DPH6: variants seen among roughly 807,000 people sequenced by gnomAD.
DPH6 encodes the protein diphthamine biosynthesis 6, also known as diphthine--ammonia ligase.
A neutral mutation model predicts 38.2 loss-of-function variants in DPH6; 33 were observed. That is an observed-to-expected ratio of 0.86 (90% CI 0.65 to 1.15). DPH6 has a LOEUF of 1.15. Ranked by LOEUF, DPH6 falls within the 50% of genes most tolerant of loss-of-function variation. The pLI is 0.00. For synonymous variants in DPH6, 108 were observed against 103.0 expected, an observed-to-expected ratio of 1.05 and a Z score of -0.30; for missense variants, 325 against 320.0, an observed-to-expected ratio of 1.02 and a Z score of -0.12.
intron 3 of DPH6, among the ~76,000 whole-genome samples, chr15:35,464,908 T>C (rs2054109876): frequency 6.6e-6 from 1 of 152,190 alleles, no homozygotes; most frequent in African/African-American, 2.4e-5. Context: ...CTATATTACA[T>C]GCAGCTAAAA....
intron 3 of DPH6, among the ~76,000 whole-genome samples, chr15:35,337,625 C>T (rs1297641786): frequency 6.6e-6 from 1 of 152,104 alleles, no homozygotes; most frequent in Non-Finnish European, 1.5e-5. Flanking sequence ...TTTATAGATT[C>T]AATGCCATCC....
chr15:35,250,912 C>G (rs2051669462), intron 3 of DPH6, among the ~76,000 whole-genome samples: 1 of 152,046 alleles, frequency 6.6e-6, no homozygotes, highest in East Asian at 1.9e-4. Context: ...CCATATACTT[C>G]CAATAAGTTA....
At chr15:35,237,544 T>TA (rs1566846571) in intron 3 of DPH6, 1 of 1,551,314 alleles carries the variant, frequency 6.4e-7, no homozygotes, top group Non-Finnish European at 8.9e-7. Flanking sequence ...AACTAAGCGA[T>TA]AACAGAGTCT....
At chr15:35,368,104 T>C (rs977951206), downstream of DPH6, among the ~76,000 whole-genome samples, 1 of 151,788 alleles carries the variant, frequency 6.6e-6, no homozygotes, top group Non-Finnish European at 1.5e-5. Context: ...GCAGAATAAA[T>C]AAGGTTATTT....
rs141672597 is a variant in DPH6, at chr15:35,469,140, T to C, written c.313-14320A>G. Among the ~76,000 whole-genome samples the C allele has an allele frequency of 2.1e-3, 327 of 152,186 alleles. 5 individuals are homozygous for C. The highest frequency in any genetic ancestry group is 7.5e-3 in the African/African-American group (312 of 41,524). On this transcript the variant is annotated intron_variant, in intron 3 of 8. Transcript: ENST00000256538. ...AGAAACCACAGCATGAACAGCATTA[T>C]GTACCACACTTTGTAGGCCATGGTA... is the stretch of plus-strand genomic sequence containing the variant.
chr15:35,425,432 C>T (rs2053556862), intron 5 of DPH6, among the ~76,000 whole-genome samples: 1 of 151,462 alleles, frequency 6.6e-6, no homozygotes, highest in South Asian at 2.1e-4. Flanking sequence ...GGTTAACTTT[C>T]ATACTAGCAT....
chr15:35,366,543 A>C (rs1326415680), downstream of DPH6, among the ~76,000 whole-genome samples: 1 of 152,012 alleles, frequency 6.6e-6, no homozygotes, highest in African/African-American at 2.4e-5. Flanking sequence ...CACAGATTAC[A>C]GATATATAAA....
intron 3 of DPH6, among the ~76,000 whole-genome samples, chr15:35,358,281 T>C (rs1178603775): frequency 6.6e-6 from 1 of 152,220 alleles, no homozygotes; most frequent in Admixed American, 6.5e-5. Context: ...TCTCCCTTCA[T>C]TTCTTGTACC....
intron 3 of DPH6, chr15:35,519,939 C>A (rs2054898468): frequency 6.6e-6 from 1 of 151,914 alleles, no homozygotes; most frequent in African/African-American, 2.4e-5. Context: ...GAGAAGACTG[C>A]ACTGCACACA....
At chr15:35,161,358 C>G in the DPH6 span, among the ~76,000 whole-genome samples, 4 of 151,822 alleles carry the variant, frequency 2.6e-5, no homozygotes, top group African/African-American at 4.8e-5. Flanking sequence ...TTATGAGAAG[C>G]CTTCCAGATT....
chr15:35,230,784 G>A (rs1014177041), intron 3 of DPH6, among the ~76,000 whole-genome samples: 2 of 152,094 alleles, frequency 1.3e-5, no homozygotes, highest in Non-Finnish European at 2.9e-5. Context: ...ATGTCCCAAG[G>A]TGTGTCTAGA....
chr15:35,425,676 T>TGG (rs1345787200), intron 5 of DPH6, among the ~76,000 whole-genome samples: 9 of 68,558 alleles, frequency 1.3e-4, no homozygotes, highest in Non-Finnish European at 2.3e-4. Flanking sequence ...TGTGTGTGTA[T>TGG]GTGTGTGTGT....
chr15:35,272,471 T>C (rs578050462), intron 3 of DPH6, among the ~76,000 whole-genome samples: 4 of 152,234 alleles, frequency 2.6e-5, no homozygotes, highest in African/African-American at 7.2e-5. Context: ...TGAAATCTCA[T>C]GTTGAAATGT....
At chr15:35,197,623 A>G in the DPH6 span, among the ~76,000 whole-genome samples, 2 of 152,198 alleles carry the variant, frequency 1.3e-5, no homozygotes, top group Non-Finnish European at 1.5e-5. Context: ...AATACACTCT[A>G]TCTATTGCTT....
chr15:35,207,081 T>G, the DPH6 span, among the ~76,000 whole-genome samples: 302 of 139,040 alleles, frequency 2.2e-3, 1 homozygote, highest in Middle Eastern at 7.3e-3. Flanking sequence ...GAATCTCACT[T>G]TGTTGCCCAG....
intron 6 of DPH6, among the ~76,000 whole-genome samples, chr15:35,387,386 C>CTCATAAAATGAGTTACAGAGGATT (rs2052980155): frequency 6.6e-6 from 1 of 152,116 alleles, no homozygotes; most frequent in African/African-American, 2.4e-5. Context: ...AAGAAAGTCA[C>CTCATAAAATGAGTTACAGAGGATT]TGGTAGCTTG....
At chr15:35,474,211 A>C (rs550787300) in intron 3 of DPH6, among the ~76,000 whole-genome samples, 1 of 152,230 alleles carries the variant, frequency 6.6e-6, no homozygotes, top group South Asian at 2.1e-4. Context: ...CTGCTTTCTA[A>C]ACCAAGTTAA....
At chr15:35,237,543 A>T in intron 3 of DPH6, 1 of 1,552,394 alleles carries the variant, frequency 6.4e-7, no homozygotes, top group Non-Finnish European at 8.9e-7. Flanking sequence ...GAACTAAGCG[A>T]TAACAGAGTC....
At chr15:35,342,196 A>G (rs2052427154) in intron 3 of DPH6, among the ~76,000 whole-genome samples, 1 of 152,030 alleles carries the variant, frequency 6.6e-6, no homozygotes, top group Non-Finnish European at 1.5e-5. Context: ...TTTGCTGGAG[A>G]TCCCGGGACC....
Sources: allele counts gnomAD v4.1 joint callset (sites outside exome capture counted in the v4.1 genomes callset), GRCh38; gene constraint gnomAD v4.1.1; transcripts MANE v1.5; gene names NCBI Gene and HGNC (gene_info 2026-07-23, HGNC 2026-07-21).